The following EYS variants were observed in gnomAD, a reference collection of about 807,000 sequenced individuals.
EYS encodes the protein EGF-like photoreceptor maintenance factor.
Under a neutral mutation model 282.1 loss-of-function variants are expected in EYS, and 250 were observed. The ratio of observed to expected loss-of-function variants is 0.89; its 90% CI spans 0.80 to 0.98. EYS has a LOEUF of 0.98. Ranked by LOEUF, EYS falls within the 50% of genes least tolerant of loss-of-function variation. EYS has a pLI of 0.00. For missense variants in EYS, 4,016 were observed against 3,709.0 expected (o/e 1.08, Z -2.15); for synonymous variants, 1,355 against 1,282.9 (o/e 1.06, Z -1.20).
intron 7 of EYS, among the ~76,000 whole-genome samples, chr6:65,393,612 A>C (rs1019198346): frequency 6.6e-6 from 1 of 152,214 alleles, no homozygotes; most frequent in Non-Finnish European, 1.5e-5. Flanking sequence ...GTCACAGTGC[A>C]TACTTAGTTA....
In EYS at chr6:65,405,270, G is replaced by T; in HGVS notation, c.960C>A (p.Cys320Ter). ...CATTTTGGCTGGAAGATCCTTTTGG[G>T]CATTCATAAGTATAAGCAGAACTGC... Reference protein sequence around the residue: ...PNSSSAYTYECPKGSSSQNGE... With the variant: ...PNSSSAYTYE The change falls in exon 6 of 43, where the codon TGC (cysteine) becomes TGA (stop). Residue 320 changes from cysteine to a stop codon, truncating the protein, a stop_gained. Coordinates refer to ENST00000503581, the MANE Select transcript of EYS (RefSeq NM_001142800.2). LOFTEE classifies it high-confidence loss of function. 6.2e-7 allele frequency: 1 copy of T among 1,612,708 alleles called. No homozygotes were observed. Among genetic ancestry groups the T allele is most frequent in the Non-Finnish European group, 8.5e-7 (1 of 1,179,190 alleles).
At chr6:65,200,582 T>G (rs1315690229) in intron 12 of EYS, among the ~76,000 whole-genome samples, 2 of 151,546 alleles carry the variant, frequency 1.3e-5, no homozygotes, top group Non-Finnish European at 2.9e-5. Context: ...AGGAAGGTGA[T>G]TTTTAAAAAG....
At chr6:64,855,914 A>C (rs1766044339) in intron 19 of EYS, among the ~76,000 whole-genome samples, 1 of 152,140 alleles carries the variant, frequency 6.6e-6, no homozygotes. Context: ...TATGCATTTA[A>C]TGTAGCTCCA....
At chr6:64,242,657 G>A (rs770009082) in intron 30 of EYS, among the ~76,000 whole-genome samples, 15 of 150,942 alleles carry the variant, frequency 9.9e-5, no homozygotes, top group Admixed American at 2.0e-4. Flanking sequence ...TGGTTTCATC[G>A]GCCTGGAATG....
intron 12 of EYS, among the ~76,000 whole-genome samples, chr6:65,162,892 A>C (rs1434739915): frequency 7.1e-6 from 1 of 140,706 alleles, no homozygotes; most frequent in African/African-American, 2.6e-5. Flanking sequence ...TGTCACTGCA[A>C]CAAGGCCTCC....
intron 26 of EYS, among the ~76,000 whole-genome samples, chr6:64,586,217 C>T (rs1562076505): frequency 6.6e-6 from 1 of 152,010 alleles, no homozygotes; most frequent in Non-Finnish European, 1.5e-5. Context: ...ATTTCTTCCA[C>T]ATGAGGACAC....
At chr6:64,731,920 AT>A (rs1187533304) in intron 22 of EYS, among the ~76,000 whole-genome samples, 1 of 152,200 alleles carries the variant, frequency 6.6e-6, no homozygotes, top group Non-Finnish European at 1.5e-5. Context: ...TCAAATGCCC[AT>A]CAATGTTAGA....
At chr6:64,495,801 C>T (rs1381212785) in intron 26 of EYS, among the ~76,000 whole-genome samples, 1 of 151,760 alleles carries the variant, frequency 6.6e-6, no homozygotes, top group Non-Finnish European at 1.5e-5. Flanking sequence ...AATTAATAAA[C>T]AATTCTAAAT....
intron 26 of EYS, among the ~76,000 whole-genome samples, chr6:64,499,862 G>T (rs933144991): frequency 2.6e-5 from 4 of 152,006 alleles, no homozygotes; most frequent in Non-Finnish European, 5.9e-5. Flanking sequence ...GATCATTTCT[G>T]CTTAACTCTG....
intron 22 of EYS, among the ~76,000 whole-genome samples, chr6:64,680,015 T>C (rs926685365): frequency 5.9e-5 from 9 of 152,248 alleles, no homozygotes; most frequent in African/African-American, 1.7e-4. Context: ...AGGTTCCACA[T>C]GTGTCAAAAT....
At chr6:65,235,550 G>A (rs1766901659) in intron 12 of EYS, among the ~76,000 whole-genome samples, 1 of 152,136 alleles carries the variant, frequency 6.6e-6, no homozygotes, top group East Asian at 1.9e-4. Context: ...GACAGCTACA[G>A]TAGGAAATTG....
chr6:64,221,124 T>C (rs1766087333), intron 31 of EYS, among the ~76,000 whole-genome samples: 1 of 152,192 alleles, frequency 6.6e-6, no homozygotes, highest in African/African-American at 2.4e-5. Context: ...GGACAGTGTG[T>C]ATGTACCAAT....
chr6:64,285,605 C>T (rs1168859296), intron 30 of EYS, among the ~76,000 whole-genome samples: 5 of 152,178 alleles, frequency 3.3e-5, no homozygotes, highest in African/African-American at 4.8e-5. Context: ...CCCTACTCTA[C>T]TGGTACCAAT....
At chr6:65,042,831 T>G (rs956030450) in intron 13 of EYS, among the ~76,000 whole-genome samples, 4 of 149,536 alleles carry the variant, frequency 2.7e-5, no homozygotes, top group Non-Finnish European at 6.0e-5. Context: ...TCTTTAAGAT[T>G]TTATTAGCTT....
chr6:64,395,080 C>A (rs77225408), intron 28 of EYS, among the ~76,000 whole-genome samples: 58,452 of 151,886 alleles, frequency 0.38, 11,880 homozygotes, highest in African/African-American at 0.53. Flanking sequence ...AACCATGATG[C>A]GATACCATCT....
intron 30 of EYS, among the ~76,000 whole-genome samples, chr6:64,248,183 TTGTGTGTGTGTG>T (rs10589491): frequency 0.045 from 6,542 of 146,382 alleles, 445 homozygotes; most frequent in African/African-American, 0.16. Context: ...CAGAAGAAGC[TTGTGTGTGTGTG>T]TGTGTGTGTG....
intron 24 of EYS, among the ~76,000 whole-genome samples, chr6:64,613,609 A>C (rs1767177389): frequency 6.6e-6 from 1 of 152,128 alleles, no homozygotes; most frequent in African/African-American, 2.4e-5. Flanking sequence ...CCAGAGCAGA[A>C]ATTCAGAAGC....
intron 31 of EYS, among the ~76,000 whole-genome samples, chr6:64,149,514 A>G (rs1353400487): frequency 1.3e-5 from 2 of 152,198 alleles, no homozygotes; most frequent in African/African-American, 4.8e-5. Context: ...TATCTACAAC[A>G]ATTCAGCAGA....
intron 24 of EYS, among the ~76,000 whole-genome samples, chr6:64,607,374 TATAA>T (rs926879761): frequency 6.6e-6 from 1 of 152,078 alleles, no homozygotes; most frequent in Non-Finnish European, 1.5e-5. Flanking sequence ...CTGGTTGACT[TATAA>T]ATAACAGAAA....
Sources: gnomAD v4.1 joint callset for allele counts (sites outside exome capture counted in the v4.1 genomes callset) on GRCh38, gnomAD v4.1.1 for gene constraint, MANE v1.5 for transcripts, NCBI Gene and HGNC (gene_info 2026-07-23, HGNC 2026-07-21) for gene names.